Variants in MDFIC2 observed in about 807,000 individuals in gnomAD.
The protein encoded by MDFIC2 is MyoD family inhibitor domain containing 2.
At chr3:70,287,451 TCA>T (rs1702178080) in intron 2 of MDFIC2, among the ~76,000 whole-genome samples, 2 of 151,854 alleles carry the variant, frequency 1.3e-5, no homozygotes, top group Non-Finnish European at 2.9e-5. Context: ...GCTGCTGGAT[TCA>T]TTTTGCCAGT....
At chr3:70,311,359 G>T (rs1239242630) in intron 2 of MDFIC2, among the ~76,000 whole-genome samples, 1 of 152,142 alleles carries the variant, frequency 6.6e-6, no homozygotes, top group East Asian at 1.9e-4. Context: ...TACTCATTAG[G>T]AGAACATATT....
chr3:70,286,758 T>C lies in MDFIC2; in HGVS notation c.88+25128A>G, dbSNP rs563583572. On this transcript the variant is annotated intron_variant, in intron 2 of 3. Coordinates refer to ENST00000567252, the MANE Select transcript of MDFIC2 (RefSeq NM_001364677.1). ...CTTGAGCAGTGGTTTGTAGTTCTCC[T>C]TGAAGAGGTCCTTCACATCCCTTAT... Among the ~76,000 whole-genome samples, 38 of 152,312 alleles carry C rather than the reference T, an allele frequency of 2.5e-4. No individual in the cohort carries two copies. In the South Asian group the frequency reaches 7.9e-3, roughly 32 times the overall value.
At chr3:70,226,735 C>G (rs1489493065) in intron 2 of MDFIC2, among the ~76,000 whole-genome samples, 2 of 95,628 alleles carry the variant, frequency 2.1e-5, no homozygotes, top group Admixed American at 1.1e-4. Context: ...GAGACTCTGT[C>G]TTAAAAAAAA....
intron 2 of MDFIC2, among the ~76,000 whole-genome samples, chr3:70,261,637 A>G (rs1701867558): frequency 6.6e-6 from 1 of 152,114 alleles, no homozygotes; most frequent in African/African-American, 2.4e-5. Context: ...AACAATTTCT[A>G]CCATAAGTGC....
At chr3:70,298,260 TA>T (rs1702310357) in intron 2 of MDFIC2, among the ~76,000 whole-genome samples, 2 of 152,234 alleles carry the variant, frequency 1.3e-5, no homozygotes, top group South Asian at 4.1e-4. Context: ...CCACTGGAGT[TA>T]TTTTTTCCCC....
At chr3:70,285,214 C>A (rs960751995) in intron 2 of MDFIC2, among the ~76,000 whole-genome samples, 11 of 123,314 alleles carry the variant, frequency 8.9e-5, no homozygotes, top group Non-Finnish European at 1.5e-4. Flanking sequence ...CCCCTCCCCC[C>A]ACCCCACAAC....
intron 2 of MDFIC2, among the ~76,000 whole-genome samples, chr3:70,270,318 G>T (rs1478583173): frequency 6.6e-6 from 1 of 152,102 alleles, no homozygotes; most frequent in Non-Finnish European, 1.5e-5. Flanking sequence ...AATAAAAACA[G>T]CTTCCAAAAA....
intron 2 of MDFIC2, among the ~76,000 whole-genome samples, chr3:70,285,548 T>C (rs1702152417): frequency 6.6e-6 from 1 of 151,952 alleles, no homozygotes; most frequent in African/African-American, 2.4e-5. Flanking sequence ...AGCAGCATGA[T>C]TTATAGTCCT....
chr3:70,297,485 A>T (rs766895163), intron 2 of MDFIC2, among the ~76,000 whole-genome samples: 26 of 152,124 alleles, frequency 1.7e-4, no homozygotes, highest in Non-Finnish European at 3.2e-4. Context: ...TGACAAATTT[A>T]TATAATCTCT....
At chr3:70,285,673 A>G (rs1213109212) in intron 2 of MDFIC2, among the ~76,000 whole-genome samples, 1 of 150,274 alleles carries the variant, frequency 6.7e-6, no homozygotes, top group Non-Finnish European at 1.5e-5. Context: ...CAGTCCCACC[A>G]ACAGTGTAAA....
At chr3:70,199,976 A>G (rs1349346042) in intron 3 of MDFIC2, among the ~76,000 whole-genome samples, 1 of 152,054 alleles carries the variant, frequency 6.6e-6, no homozygotes, top group African/African-American at 2.4e-5. Context: ...TCCTCCTCCT[A>G]CTTTCTTTTA....
chr3:70,271,762 T>TTTTA (rs1553650726), intron 2 of MDFIC2: 1 of 152,126 alleles, frequency 6.6e-6, no homozygotes, highest in Admixed American at 6.6e-5. Context: ...CACACTTATT[T>TTTTA]TTTATTTATT....
At chr3:70,247,025 A>G (rs1263694151) in intron 2 of MDFIC2, among the ~76,000 whole-genome samples, 2 of 152,010 alleles carry the variant, frequency 1.3e-5, no homozygotes, top group African/African-American at 4.8e-5. Context: ...ATCTGTTTCC[A>G]TGACTACCAC....
intron 2 of MDFIC2, among the ~76,000 whole-genome samples, chr3:70,256,762 A>C (rs1375386683): frequency 6.6e-6 from 1 of 152,184 alleles, no homozygotes; most frequent in Non-Finnish European, 1.5e-5. Context: ...GTCCCCTATT[A>C]ATCATTTACT....
At chr3:70,223,520 C>T (rs777930040) in intron 2 of MDFIC2, among the ~76,000 whole-genome samples, 1 of 152,100 alleles carries the variant, frequency 6.6e-6, no homozygotes, top group Non-Finnish European at 1.5e-5. Flanking sequence ...AGGAAACTAG[C>T]GCAGTGCCTC....
intron 3 of MDFIC2, among the ~76,000 whole-genome samples, chr3:70,200,687 G>A (rs1377813940): frequency 2.0e-5 from 3 of 152,106 alleles, no homozygotes; most frequent in Admixed American, 1.3e-4. Context: ...TAGAATCTAC[G>A]TTGCAAGAGG....
intron 3 of MDFIC2, among the ~76,000 whole-genome samples, chr3:70,201,794 C>T (rs1432721478): frequency 1.3e-5 from 2 of 152,176 alleles, no homozygotes; most frequent in African/African-American, 4.8e-5. Context: ...CTCCTCTTGC[C>T]CTCCTCTGTG....
At chr3:70,199,861 T>G (rs1412725337) in intron 3 of MDFIC2, among the ~76,000 whole-genome samples, 6 of 152,194 alleles carry the variant, frequency 3.9e-5, no homozygotes, top group African/African-American at 1.4e-4. Flanking sequence ...ATACCATATA[T>G]GCTATTGCCT....
At chr3:70,231,348 T>C (rs2106744716) in intron 2 of MDFIC2, among the ~76,000 whole-genome samples, 1 of 152,294 alleles carries the variant, frequency 6.6e-6, no homozygotes. Context: ...GCCCGCCATC[T>C]CTCTCTGGGA....
Sources: allele counts gnomAD v4.1 joint callset (sites outside exome capture counted in the v4.1 genomes callset), GRCh38; gene constraint gnomAD v4.1.1; transcripts MANE v1.5; gene names NCBI Gene and HGNC (gene_info 2026-07-23, HGNC 2026-07-21).